The following UAP1 variants were observed in gnomAD, a reference collection of about 807,000 sequenced individuals.
UAP1 encodes UDP-N-acetylhexosamine pyrophosphorylase.
A neutral mutation model predicts 58.5 loss-of-function variants in UAP1; 25 were observed. The ratio of observed to expected loss-of-function variants is 0.43; its 90% CI spans 0.31 to 0.60. The LOEUF (loss-of-function observed/expected upper bound fraction) is 0.60. Ranked by LOEUF, UAP1 falls within the 20% of genes least tolerant of loss-of-function variation. The pLI, the probability that UAP1 is intolerant of heterozygous loss-of-function variation, is 0.11. For synonymous variants in UAP1, 208 were observed against 213.0 expected, an observed-to-expected ratio of 0.98 and a Z score of 0.21; for missense variants, 575 against 630.0, an observed-to-expected ratio of 0.91 and a Z score of 0.93.
intron 2 of UAP1, 58 bp from the exon 3 acceptor site, chr1:162,576,719 T>G (rs1187575987): frequency 2.0e-6 from 3 of 1,490,820 alleles, no homozygotes; most frequent in Non-Finnish European, 2.8e-6. Flanking sequence ...CCTATGTATA[T>G]TTAATACTAA....
intron 10 of UAP1, 133 bp downstream of exon 10, chr1:162,597,991 CTTTA>C: frequency 2.7e-6 from 2 of 742,766 alleles, no homozygotes; most frequent in East Asian, 5.2e-5. Flanking sequence ...TGTTAATTGG[CTTTA>C]TTTGATTATT....
At chr1:162,565,574 A>G (rs1469591833) in intron 1 of UAP1, among the ~76,000 whole-genome samples, 1 of 152,240 alleles carries the variant, frequency 6.6e-6, no homozygotes, top group Non-Finnish European at 1.5e-5. Flanking sequence ...AGATACAAGG[A>G]AAACATTTAA....
At chr1:162,587,755 C>A in intron 6 of UAP1, 87 bp downstream of exon 6, 2 of 1,244,206 alleles carry the variant, frequency 1.6e-6, no homozygotes, top group South Asian at 1.5e-5. Context: ...CACCCCAAGT[C>A]CATATCCCAC....
At chr1:162,576,943 T>G in exon 3 of UAP1, 1 of 1,614,180 alleles carries the variant, frequency 6.2e-7, no homozygotes, top group Non-Finnish European at 8.5e-7. Flanking sequence ...TACAGCAGGT[T>G]GCTGAAAAAT....
At chr1:162,575,132 G>A (rs1038382574) in intron 2 of UAP1, among the ~76,000 whole-genome samples, 3 of 152,030 alleles carry the variant, frequency 2.0e-5, no homozygotes, top group Admixed American at 6.6e-5. Context: ...GCAGTGGCAC[G>A]ATCTCAGCTC....
chr1:162,572,349 G>A (rs970706842), intron 2 of UAP1, among the ~76,000 whole-genome samples: 1 of 152,212 alleles, frequency 6.6e-6, no homozygotes, highest in Non-Finnish European at 1.5e-5. Flanking sequence ...CTAAGGAAGA[G>A]AAAAGTTTAT....
chr1:162,579,312 C>A (rs1654400345), intron 3 of UAP1, 116 bp from the exon 4 acceptor site: 1 of 741,382 alleles, frequency 1.3e-6, no homozygotes, highest in Admixed American at 3.7e-5. Context: ...TGAAGGAAGT[C>A]AAAATAATAA....
intron 9 of UAP1, chr1:162,597,231 C>T (rs1479570615): frequency 1.3e-5 from 2 of 152,292 alleles, no homozygotes; most frequent in Admixed American, 6.5e-5. Flanking sequence ...GGCTTCTGAA[C>T]ACTCGAAGTG....
At chr1:162,597,417 G>C (rs1365753951) in intron 9 of UAP1, 1 of 167,846 alleles carries the variant, frequency 6.0e-6, no homozygotes, top group African/African-American at 2.4e-5. Flanking sequence ...CAATATGAAG[G>C]CTTCAGAGCA....
chr1:162,588,918 G>T, intron 7 of UAP1, 85 bp downstream of exon 7: 1 of 1,340,406 alleles, frequency 7.5e-7, no homozygotes. Flanking sequence ...CTGTTTTCAG[G>T]AAACATTTGA....
intron 5 of UAP1, among the ~76,000 whole-genome samples, chr1:162,583,146 C>CTTTTTTTT (rs11376471): frequency 1.0e-4 from 7 of 68,044 alleles, no homozygotes; most frequent in Admixed American, 2.4e-4. Context: ...TGGTGTCACT[C>CTTTTTTTT]TTTTTTTTTT....
downstream of UAP1, among the ~76,000 whole-genome samples, chr1:162,600,648 T>A (rs1353884564): frequency 1.4e-5 from 2 of 146,610 alleles, no homozygotes; most frequent in Admixed American, 6.8e-5. Context: ...AAGGATCACT[T>A]TTTTTTTTTT....
intron 5 of UAP1, among the ~76,000 whole-genome samples, chr1:162,585,966 C>A (rs959684090): frequency 1.3e-5 from 2 of 152,212 alleles, no homozygotes; most frequent in African/African-American, 4.8e-5. Flanking sequence ...GTTTAATCTA[C>A]TTCCTCGGTA....
chr1:162,582,008 C>T (rs1183568466), intron 5 of UAP1, among the ~76,000 whole-genome samples: 1 of 152,108 alleles, frequency 6.6e-6, no homozygotes, highest in Non-Finnish European at 1.5e-5. Context: ...TGAGTCTGTT[C>T]TTGGCATTGT....
chr1:162,561,534 T>A (rs941731984), exon 1 of UAP1: 2 of 151,636 alleles, frequency 1.3e-5, no homozygotes, highest in Non-Finnish European at 2.9e-5. Flanking sequence ...CGTCGTCGTC[T>A]GTGCTCCCGG....
At position 162,571,328 on chromosome 1, in the gene UAP1, A is replaced by G. The variant is rs565393885; in HGVS notation, c.280+4980A>G. 9.2e-5 allele frequency among the ~76,000 whole-genome samples: 14 copies of G among 151,988 alleles called. No individual in the cohort carries two copies. In the East Asian group the frequency reaches 1.4e-3, roughly 15 times the overall value. The stretch of plus-strand genomic sequence containing the variant: ...ATTTTTAGTAGAGACGGGGGTTTCA[A>G]CATGTTGGCCCGGCTGGTCTTGAAC... On this transcript the variant is annotated intron_variant, in intron 2 of 10. Coordinates refer to ENST00000271469, the Ensembl canonical transcript of UAP1.
At chr1:162,567,398 T>A (rs988440902) in intron 2 of UAP1, among the ~76,000 whole-genome samples, 1 of 152,240 alleles carries the variant, frequency 6.6e-6, no homozygotes, top group Non-Finnish European at 1.5e-5. Flanking sequence ...TAAGTGTTTG[T>A]TGAATTGCCC....
At position 162,563,357 on chromosome 1, in the gene UAP1, CT is replaced by C. The variant is rs200974598; in HGVS notation, c.-58+1591del. Among the ~76,000 whole-genome samples, 381 of 146,800 alleles carry C rather than the reference CT, an allele frequency of 2.6e-3. 5 individuals carry two copies. In the East Asian group the frequency reaches 0.049, roughly 19 times the overall value. The stretch of plus-strand genomic sequence containing the variant: ...ATCAAAGTTTAACCTATGAGGTACC[CT>C]TTTTTTTTTTATTTTTATTTTTTGA... On this transcript the variant is annotated intron_variant, in intron 1 of 10. Coordinates refer to ENST00000271469, the Ensembl canonical transcript of UAP1.
chr1:162,600,696 C>T (rs552259676), downstream of UAP1, among the ~76,000 whole-genome samples: 6 of 150,654 alleles, frequency 4.0e-5, no homozygotes, highest in South Asian at 6.3e-4. Context: ...TCAATCTTAC[C>T]TATTTTTTTT....
Sources: allele counts gnomAD v4.1 joint callset (sites outside exome capture counted in the v4.1 genomes callset), GRCh38; gene constraint gnomAD v4.1.1; transcripts MANE v1.5; gene names NCBI Gene and HGNC (gene_info 2026-07-23, HGNC 2026-07-21).